The following GRIK3 variants were observed in gnomAD, a reference collection of about 807,000 sequenced individuals.
GRIK3 encodes glutamate ionotropic receptor kainate type subunit 3, also known as glutamate receptor ionotropic, kainate 3.
A neutral mutation model predicts 102.5 loss-of-function variants in GRIK3; 29 were observed. The ratio of observed to expected loss-of-function variants is 0.28; its 90% CI spans 0.21 to 0.39. The LOEUF (loss-of-function observed/expected upper bound fraction) is 0.39, where lower values mean the gene tolerates loss of function less well. GRIK3 is among the 10% of genes least tolerant of loss of function. The pLI, the probability that GRIK3 is intolerant of heterozygous loss-of-function variation, is 1.00. For synonymous variants in GRIK3, 511 were observed against 504.9 expected, an observed-to-expected ratio of 1.01 and a Z score of -0.16; for missense variants, 908 against 1,252.4, an observed-to-expected ratio of 0.73 and a Z score of 4.15.
chr1:36,859,750 TG>T, intron 6 of GRIK3, 93 bp downstream of exon 6: 2 of 1,003,004 alleles, frequency 2.0e-6, no homozygotes, highest in South Asian at 2.8e-5. Context: ...AGAAGAGAAG[TG>T]GTGGAGGGAA....
chr1:36,955,267 G>A (rs1468680862), intron 1 of GRIK3, among the ~76,000 whole-genome samples: 2 of 152,230 alleles, frequency 1.3e-5, no homozygotes, highest in Non-Finnish European at 2.9e-5. Flanking sequence ...AACCCTGCCA[G>A]CAGGACAGGA....
chr1:37,003,771 C>T (rs1642503876), intron 1 of GRIK3, among the ~76,000 whole-genome samples: 1 of 152,192 alleles, frequency 6.6e-6, no homozygotes, highest in South Asian at 2.1e-4. Flanking sequence ...TTCCTCTCTG[C>T]TGTCTCCATA....
chr1:36,842,948 T>C (rs904415199), intron 9 of GRIK3, among the ~76,000 whole-genome samples: 1 of 152,110 alleles, frequency 6.6e-6, no homozygotes, highest in African/African-American at 2.4e-5. Context: ...AGGAAGGTGC[T>C]TGTGGGTCAG....
chr1:36,804,993 T>G lies in GRIK3; in HGVS notation c.2559A>C (p.Arg853Ser), dbSNP rs2124176352. 2.5e-6 allele frequency: 4 copies of G among 1,614,192 alleles called. No individual in the cohort carries two copies. The East Asian group carries it at 8.9e-5, about 36-fold the overall frequency. ...TCCAAGCTCTAAGGCTTACCTGCTCTCTCTCTGCTGTTTTGCGGAGCTTGT... is the reference window on the plus strand; with the variant it reads ...TCCAAGCTCTAAGGCTTACCTGCTCGCTCTCTGCTGTTTTGCGGAGCTTGT... ...FVYKLRKTAE[R>S]EQRSFCSTVA... The change falls in exon 15 of 16, where the codon AGA becomes AGC. Residue 853 changes from arginine (R) to serine (S), a missense_variant. Arg to Ser is a moderately radical substitution (Grantham distance 110). This residue lies in a region of GRIK3 where 297 missense variants were observed against 362.7 expected (regional missense o/e 0.82). Transcript: ENST00000373091.
At chr1:36,809,349 A>T (rs1194039366) in intron 13 of GRIK3, among the ~76,000 whole-genome samples, 5 of 152,004 alleles carry the variant, frequency 3.3e-5, no homozygotes, top group African/African-American at 1.2e-4. Flanking sequence ...CCATTTATCC[A>T]TCTATCCAAC....
rs573513347 is a variant in GRIK3 at position 36,799,482 on chromosome 1, C to G, written c.*2369G>C. The G allele has an allele frequency of 3.9e-5, 6 of 152,424 alleles. No homozygotes were observed. In the East Asian group the frequency reaches 1.2e-3, roughly 29 times the overall value. 9.4% of individuals were successfully genotyped at this position (152,424 alleles called of 1,614,324 possible). ...CCCCGCTCCCCACTGTGCACACATG[C>G]CTGTACACATGTGTTCACATGCACT... is the stretch of plus-strand genomic sequence containing the variant. On this transcript the variant is annotated 3_prime_UTR_variant, in exon 16 of 16. Coordinates refer to ENST00000373091, the MANE Select transcript of GRIK3 (RefSeq NM_000831.4).
chr1:36,946,538 A>G (rs1641786720), intron 1 of GRIK3, among the ~76,000 whole-genome samples: 1 of 152,132 alleles, frequency 6.6e-6, no homozygotes, highest in Non-Finnish European at 1.5e-5. Flanking sequence ...CCTGGAACAC[A>G]CACTCCCCTC....
intron 1 of GRIK3, among the ~76,000 whole-genome samples, chr1:36,969,979 A>G (rs1420392011): frequency 6.6e-6 from 1 of 152,230 alleles, no homozygotes; most frequent in Non-Finnish European, 1.5e-5. Context: ...ATATAACATC[A>G]GTGTTATCTC....
intron 10 of GRIK3, among the ~76,000 whole-genome samples, chr1:36,840,546 TC>T: frequency 1.4e-5 from 1 of 73,774 alleles, no homozygotes; most frequent in Admixed American, 2.1e-4. Flanking sequence ...GACCCTGCTC[TC>T]CACCAAAAAA....
chr1:36,801,702 TG>T lies in GRIK3; in HGVS notation c.*148del. 1.8e-6 allele frequency: 1 copy of T among 568,740 alleles called. No individual in the cohort carries two copies. The highest frequency in any genetic ancestry group is 3.2e-5 in the South Asian group (1 of 31,272). 35.2% of individuals were successfully genotyped at this position (568,740 alleles called of 1,614,324 possible). ...CTGGCCTGAGAGCCTGCTGGCTTCC[TG>T]GCAGGTAAGGGCAGGAGGCTCCTGG... On this transcript the variant is annotated 3_prime_UTR_variant, in exon 16 of 16. Coordinates refer to ENST00000373091, the MANE Select transcript of GRIK3 (RefSeq NM_000831.4).
chr1:36,866,455 G>A (rs74735612), intron 5 of GRIK3, among the ~76,000 whole-genome samples: 3,093 of 152,278 alleles, frequency 0.02, 93 homozygotes, highest in African/African-American at 0.07. Flanking sequence ...CAGTTTCCAC[G>A]TTTCTATAAA....
chr1:36,890,716 C>T (rs534714831), intron 2 of GRIK3, among the ~76,000 whole-genome samples: 17 of 152,304 alleles, frequency 1.1e-4, no homozygotes, highest in African/African-American at 3.8e-4. Flanking sequence ...AATTGAGGCA[C>T]AGGGTATTTT....
At chr1:36,980,494 TTTGTGTGGTTTGG>T (rs1262306310) in intron 1 of GRIK3, among the ~76,000 whole-genome samples, 1 of 151,626 alleles carries the variant, frequency 6.6e-6, no homozygotes, top group African/African-American at 2.4e-5. Context: ...TGGGATCCAG[TTTGTGTGGTTTGG>T]ACTCTGGATG....
intron 1 of GRIK3, among the ~76,000 whole-genome samples, chr1:36,937,955 C>A (rs1217262019): frequency 6.6e-6 from 1 of 152,196 alleles, no homozygotes; most frequent in Non-Finnish European, 1.5e-5. Flanking sequence ...CATGCCAAGC[C>A]TTTATACATT....
intron 13 of GRIK3, among the ~76,000 whole-genome samples, chr1:36,814,701 C>T (rs530393821): frequency 8.5e-5 from 13 of 152,122 alleles, no homozygotes; most frequent in African/African-American, 2.9e-4. Context: ...CACACAAAGG[C>T]GAGTATACAC....
At chr1:37,027,046 T>G (rs1460534578) in intron 1 of GRIK3, among the ~76,000 whole-genome samples, 1 of 151,942 alleles carries the variant, frequency 6.6e-6, no homozygotes, top group African/African-American at 2.4e-5. Flanking sequence ...ACAATGCACA[T>G]GCATTAGAGA....
chr1:37,001,057 C>G (rs571961955), intron 1 of GRIK3, among the ~76,000 whole-genome samples: 58 of 152,226 alleles, frequency 3.8e-4, no homozygotes, highest in Non-Finnish European at 6.9e-4. Context: ...CAGTTCCCGT[C>G]AATAACTGTC....
intron 1 of GRIK3, among the ~76,000 whole-genome samples, chr1:36,974,015 T>C (rs1642170773): frequency 6.6e-6 from 1 of 152,176 alleles, no homozygotes; most frequent in African/African-American, 2.4e-5. Context: ...GTGAGATGAC[T>C]CTGTGGTGTG....
At chr1:36,956,771 G>A (rs997125817) in intron 1 of GRIK3, among the ~76,000 whole-genome samples, 10 of 152,346 alleles carry the variant, frequency 6.6e-5, no homozygotes, top group African/African-American at 2.4e-4. Flanking sequence ...ATTGACTCTG[G>A]GGGATGAACA....
Sources: allele counts gnomAD v4.1 joint callset (sites outside exome capture counted in the v4.1 genomes callset), GRCh38; gene constraint gnomAD v4.1.1; regional missense constraint gnomAD v4.1.1; transcripts MANE v1.5; gene names NCBI Gene and HGNC (gene_info 2026-07-23, HGNC 2026-07-21).